Variants in CAMKMT observed in about 807,000 individuals in gnomAD.
CAMKMT encodes calmodulin-lysine N-methyltransferase.
Under a neutral mutation model 48.0 loss-of-function variants are expected in CAMKMT, and 53 were observed. That is an observed-to-expected ratio of 1.10 (90% confidence interval 0.89 to 1.39). The LOEUF is 1.39. Ranked by LOEUF, CAMKMT falls within the 40% of genes most tolerant of loss-of-function variation. CAMKMT has a pLI of 0.00. For missense variants in CAMKMT, 428 were observed against 402.7 expected, an observed-to-expected ratio of 1.06 and a Z score of -0.54; for synonymous variants, 165 against 152.3, an observed-to-expected ratio of 1.08 and a Z score of -0.61.
At chr2:44,641,962 G>A (rs893812904) in intron 3 of CAMKMT, among the ~76,000 whole-genome samples, 6 of 152,166 alleles carry the variant, frequency 3.9e-5, no homozygotes, top group African/African-American at 1.4e-4. Context: ...CTACTGAGCT[G>A]TCTTCACCCA....
chr2:44,531,373 A>G (rs1318493026), intron 3 of CAMKMT, among the ~76,000 whole-genome samples: 1 of 152,108 alleles, frequency 6.6e-6, no homozygotes, highest in African/African-American at 2.4e-5. Context: ...CTGTGGAATA[A>G]TGTGAGTCTG....
At chr2:44,723,637 TAA>T in intron 7 of CAMKMT, 1 of 150,014 alleles carries the variant, frequency 6.7e-6, no homozygotes, top group South Asian at 2.1e-4. Flanking sequence ...AATAAATAAA[TAA>T]ATAAATAAAT....
chr2:44,551,644 T>C (rs1471256097), intron 3 of CAMKMT, among the ~76,000 whole-genome samples: 1 of 152,164 alleles, frequency 6.6e-6, no homozygotes, highest in East Asian at 1.9e-4. Context: ...AAAGTATGCT[T>C]TTTAAATGGC....
At chr2:44,645,280 G>A (rs897814698) in intron 3 of CAMKMT, among the ~76,000 whole-genome samples, 3 of 152,220 alleles carry the variant, frequency 2.0e-5, no homozygotes, top group Non-Finnish European at 1.5e-5. Context: ...ATAACATGGA[G>A]AGTTTTAAGA....
At chr2:44,646,831 T>G (rs1673760098) in intron 3 of CAMKMT, among the ~76,000 whole-genome samples, 1 of 152,186 alleles carries the variant, frequency 6.6e-6, no homozygotes. Flanking sequence ...TAGTGCTTTT[T>G]AAAGAGCTGC....
intron 2 of CAMKMT, 104 bp downstream of exon 2, chr2:44,372,992 C>A (rs1679335411): frequency 2.8e-6 from 3 of 1,061,190 alleles, no homozygotes; most frequent in Non-Finnish European, 4.1e-6. Flanking sequence ...AGTTTACGGG[C>A]AATCTTTTTC....
intron 3 of CAMKMT, among the ~76,000 whole-genome samples, chr2:44,406,758 T>G (rs1030592834): frequency 6.6e-6 from 1 of 152,008 alleles, no homozygotes; most frequent in Non-Finnish European, 1.5e-5. Flanking sequence ...TACCAGGCCC[T>G]GCTTGTTTTT....
chr2:44,534,371 T>G (rs183988293), intron 3 of CAMKMT, among the ~76,000 whole-genome samples: 244 of 152,290 alleles, frequency 1.6e-3, no homozygotes, highest in African/African-American at 5.6e-3. Context: ...TAAACTGGAC[T>G]TTATACCAAA....
intron 3 of CAMKMT, among the ~76,000 whole-genome samples, chr2:44,658,382 G>T (rs1450705832): frequency 6.6e-6 from 1 of 152,214 alleles, no homozygotes; most frequent in Non-Finnish European, 1.5e-5. Flanking sequence ...TGTATGAAAA[G>T]GGGGCACCGG....
chr2:44,628,312 A>G lies in CAMKMT; in HGVS notation c.377-75971A>G, dbSNP rs535713550. On this transcript the variant is annotated intron_variant, in intron 3 of 10. Transcript: ENST00000378494. Reference sequence around the variant, plus strand: ...CTAGCTTCTAGCTTAAGGTTTATCAATTTTATTAATTTCTTCAGAGAACTG... The same window carrying G: ...CTAGCTTCTAGCTTAAGGTTTATCAGTTTTATTAATTTCTTCAGAGAACTG... Among the ~76,000 whole-genome samples, 10 of 152,040 alleles carry G rather than the reference A, an allele frequency of 6.6e-5. No homozygotes were observed. The South Asian group carries it at 2.1e-3, about 32-fold the overall frequency.
chr2:44,573,030 C>G lies in CAMKMT; in HGVS notation c.377-131253C>G, dbSNP rs998230744. Reference sequence around the variant, plus strand: ...TTAGTAATAGTAATCTTTTCGTGTGCTGCTATTACTGTTAGTAATAGTAAT... The same window carrying G: ...TTAGTAATAGTAATCTTTTCGTGTGGTGCTATTACTGTTAGTAATAGTAAT... On this transcript the variant is annotated intron_variant, in intron 3 of 10. Transcript: ENST00000378494. Among the ~76,000 whole-genome samples, 34 of 151,842 alleles carry G rather than the reference C, an allele frequency of 2.2e-4. 1 individual carries two copies. The highest frequency in any genetic ancestry group is 1.8e-3 in the Admixed American group (27 of 15,244).
chr2:44,768,630 G>A (rs1680965618), intron 10 of CAMKMT, among the ~76,000 whole-genome samples: 1 of 152,132 alleles, frequency 6.6e-6, no homozygotes, highest in Admixed American at 6.5e-5. Context: ...CGAAGGCGGA[G>A]GCCCAAGGCA....
At chr2:44,394,851 T>C (rs1275522668) in intron 3 of CAMKMT, 2 of 454,122 alleles carry the variant, frequency 4.4e-6, no homozygotes, top group Non-Finnish European at 8.8e-6. Context: ...TCAGTTATTA[T>C]TGAAAGCAAG....
chr2:44,656,693 G>T (rs1157066143), intron 3 of CAMKMT, among the ~76,000 whole-genome samples: 1 of 151,782 alleles, frequency 6.6e-6, no homozygotes, highest in African/African-American at 2.4e-5. Flanking sequence ...CTCTGGAAAA[G>T]GTCCCCCCCA....
At chr2:44,504,778 C>T (rs1002848280) in intron 3 of CAMKMT, among the ~76,000 whole-genome samples, 1 of 152,024 alleles carries the variant, frequency 6.6e-6, no homozygotes, top group East Asian at 1.9e-4. Context: ...TTGTGAAATA[C>T]CTGTTCAGTG....
At chr2:44,397,205 C>T (rs1178391771) in intron 3 of CAMKMT, among the ~76,000 whole-genome samples, 1 of 152,052 alleles carries the variant, frequency 6.6e-6, no homozygotes, top group Non-Finnish European at 1.5e-5. Context: ...TCATTTTAAC[C>T]CTTTCTTAGG....
chr2:44,631,477 T>A, intron 3 of CAMKMT: 1 of 591,608 alleles, frequency 1.7e-6, no homozygotes, highest in Admixed American at 2.8e-5. Context: ...CAATTTTTTA[T>A]TTTTTTTGTA....
intron 10 of CAMKMT, among the ~76,000 whole-genome samples, chr2:44,768,861 A>G (rs1410036295): frequency 3.3e-5 from 5 of 152,090 alleles, no homozygotes; most frequent in Non-Finnish European, 7.4e-5. Flanking sequence ...GTTTTCCTTC[A>G]GGCTGCGTGT....
chr2:44,401,671 T>C (rs1222143480), intron 3 of CAMKMT, among the ~76,000 whole-genome samples: 1 of 152,240 alleles, frequency 6.6e-6, no homozygotes, highest in Non-Finnish European at 1.5e-5. Flanking sequence ...ACATTAAATA[T>C]GAATTTAATG....
Sources: gnomAD v4.1 joint callset for allele counts (sites outside exome capture counted in the v4.1 genomes callset) on GRCh38, gnomAD v4.1.1 for gene constraint, MANE v1.5 for transcripts, NCBI Gene and HGNC (gene_info 2026-07-23, HGNC 2026-07-21) for gene names.